The following ZNF90 variants were observed in gnomAD, a reference collection of about 807,000 sequenced individuals.
The protein encoded by ZNF90 is zinc finger protein 90.
In ZNF90, 11 loss-of-function variants were observed where a neutral mutation model predicts 12.0. The ratio of observed to expected loss-of-function variants is 0.92; its 90% CI spans 0.58 to 1.52. The LOEUF is 1.52. ZNF90 is among the 40% of genes most tolerant of loss of function. ZNF90 has a pLI of 0.00. For synonymous variants in ZNF90, 232 were observed against 240.1 expected (o/e 0.97, Z 0.31); for missense variants, 765 against 711.5 (o/e 1.08, Z -0.86).
At chr19:20,115,192 CT>C (rs1276815252) in intron 3 of ZNF90, among the ~76,000 whole-genome samples, 9 of 151,986 alleles carry the variant, frequency 5.9e-5, no homozygotes, top group Admixed American at 5.9e-4. Flanking sequence ...CACTTTCAGT[CT>C]TTTTTTGTTA....
At chr19:20,086,793 A>G (rs556474536) in intron 1 of ZNF90, among the ~76,000 whole-genome samples, 1 of 152,360 alleles carries the variant, frequency 6.6e-6, no homozygotes, top group East Asian at 1.9e-4. Context: ...TACATTAAGT[A>G]GATATTAGTG....
In ZNF90 at chr19:20,119,467, A is replaced by G. The variant is rs1207331266; in HGVS notation, c.*107A>G. On this transcript the variant is annotated 3_prime_UTR_variant, in exon 4 of 4. Coordinates refer to ENST00000418063, the MANE Select transcript of ZNF90 (RefSeq NM_007138.2). ...TTGACCACCCCTCTACTCTTACTAA[A>G]TATGAGAATTTATATGAAACATAAC... 2 of 923,894 alleles carry G rather than the reference A, an allele frequency of 2.2e-6. No individual in the cohort carries two copies. The highest frequency in any genetic ancestry group is 1.9e-5 in the South Asian group (1 of 54,038). 57.2% of individuals were successfully genotyped at this position (923,894 alleles called of 1,614,324 possible).
chr19:20,116,662 A>G lies in ZNF90; in HGVS notation c.227-1119A>G, dbSNP rs576154127. Among the ~76,000 whole-genome samples, 33 of 152,260 alleles carry G rather than the reference A, an allele frequency of 2.2e-4. 1 individual carries two copies. The Middle Eastern group carries it at 0.02, about 94-fold the overall frequency. ...TTTGTCCTGGCATAGTCTGAAATCAATAGTCTTGGCTAGAGATTCTGGGAA... is the reference window on the plus strand; with the variant it reads ...TTTGTCCTGGCATAGTCTGAAATCAGTAGTCTTGGCTAGAGATTCTGGGAA... On this transcript the variant is annotated intron_variant, in intron 3 of 3. Coordinates refer to ENST00000418063, the MANE Select transcript of ZNF90 (RefSeq NM_007138.2).
At chr19:20,085,414 C>T (rs1042439658) in intron 1 of ZNF90, among the ~76,000 whole-genome samples, 9 of 151,998 alleles carry the variant, frequency 5.9e-5, no homozygotes, top group Non-Finnish European at 1.0e-4. Context: ...TGCCTGCCAC[C>T]GCGCCCGGCT....
rs147236513 is a variant in ZNF90 at position 20,085,551 on chromosome 19, C to T, written c.3+7416C>T. Among the ~76,000 whole-genome samples the T allele has an allele frequency of 5.4e-3, 826 of 152,248 alleles. 7 individuals are homozygous for T. The highest frequency in any genetic ancestry group is 0.019 in the African/African-American group (792 of 41,542). On this transcript the variant is annotated intron_variant, in intron 1 of 3. Transcript: ENST00000418063. ...CTGGGATTACAGGCTTGAGCCACCG[C>T]GCCCGGCCAGTTGCATTGGTCTTAT...
rs146330228 is a variant in ZNF90 at position 20,096,376 on chromosome 19, T to C, written c.4-7863T>C. 2.4e-3 allele frequency among the ~76,000 whole-genome samples: 367 copies of C among 152,210 alleles called. 1 individual carries two copies. Among genetic ancestry groups the C allele is most frequent in the Admixed American group, 3.9e-3 (59 of 15,282 alleles). ...TGAAGAGACCACCAAACAGGCTTTG[T>C]GTGAGCAATAAAGCTTTTAATCACC... On this transcript the variant is annotated intron_variant, in intron 1 of 3. Coordinates refer to ENST00000418063, the MANE Select transcript of ZNF90 (RefSeq NM_007138.2).
In ZNF90 at chr19:20,112,077, G is replaced by A. The variant is rs985800514; in HGVS notation, c.227-5704G>A. 4.6e-5 allele frequency among the ~76,000 whole-genome samples: 7 copies of A among 151,710 alleles called. 1 individual carries two copies. Among genetic ancestry groups the A allele is most frequent in the Non-Finnish European group, 1.0e-4 (7 of 67,920 alleles). Reference sequence around the variant, plus strand: ...TTTCACAATGTTGGCCAGGCTGGTCGCAAGCTTCTGACCTTGTGATTCACC... The same window carrying A: ...TTTCACAATGTTGGCCAGGCTGGTCACAAGCTTCTGACCTTGTGATTCACC... On this transcript the variant is annotated intron_variant, in intron 3 of 3. Transcript: ENST00000418063.
chr19:20,083,579 A>G (rs940426184), intron 1 of ZNF90, among the ~76,000 whole-genome samples: 2 of 152,072 alleles, frequency 1.3e-5, no homozygotes, highest in Non-Finnish European at 2.9e-5. Context: ...ATCCCACTTC[A>G]GCCTCCCAAA....
chr19:20,080,159 G>C (rs573082341), intron 1 of ZNF90: 10 of 437,658 alleles, frequency 2.3e-5, no homozygotes, highest in Admixed American at 1.9e-4. Flanking sequence ...AGAATTGCAG[G>C]TCAGCAAGAA....
chr19:20,078,108 C>G lies in ZNF90; in HGVS notation c.-25C>G. ...CCTGCAGGTATTGGGAGATCCACAG[C>G]TGAGGGACCCCCGGAAGCCTAGAAA... On this transcript the variant is annotated 5_prime_UTR_variant, in exon 1 of 4. Transcript: ENST00000418063. 6.2e-7 allele frequency: 1 copy of G among 1,614,156 alleles called. No homozygotes were observed. Among genetic ancestry groups the G allele is most frequent in the Non-Finnish European group, 8.5e-7 (1 of 1,180,020 alleles).
chr19:20,083,142 C>CA (rs1164288219), intron 1 of ZNF90, among the ~76,000 whole-genome samples: 1 of 151,912 alleles, frequency 6.6e-6, no homozygotes. Flanking sequence ...CTAGGGAACT[C>CA]AGAGACTGGT....
intron 1 of ZNF90, among the ~76,000 whole-genome samples, chr19:20,087,872 G>C (rs1333267675): frequency 2.6e-5 from 4 of 152,116 alleles, no homozygotes; most frequent in Non-Finnish European, 4.4e-5. Flanking sequence ...GTTCTCTGGT[G>C]GACAGGAATG....
At position 20,118,951 on chromosome 19, in the gene ZNF90, C is replaced by T. The variant is rs782468341; in HGVS notation, c.1397C>T (p.Ser466Leu). Residue 466 changes from serine to leucine, a missense_variant, in exon 4 of 4, where the codon TCA (serine) becomes TTA (leucine). Transcript: ENST00000418063. ...TGTGGCAAAGCCTTCAAGCGCTCCTCAAACCTTACTACACATAAGATAAGT... is the reference window on the plus strand; with the variant it reads ...TGTGGCAAAGCCTTCAAGCGCTCCTTAAACCTTACTACACATAAGATAAGT... ...EECGKAFKRS[S>L]NLTTHKISHT... 8 of 1,612,578 alleles carry T rather than the reference C, an allele frequency of 5.0e-6. No individual in the cohort carries two copies. The highest frequency in any genetic ancestry group is 3.3e-5 in the South Asian group (3 of 90,904).
chr19:20,083,800 T>A (rs2122473887), intron 1 of ZNF90, among the ~76,000 whole-genome samples: 1 of 152,292 alleles, frequency 6.6e-6, no homozygotes, highest in East Asian at 1.9e-4. Flanking sequence ...CAGGCTAGAG[T>A]GCTGTGGCAT....
chr19:20,079,828 C>T (rs2088806622), intron 1 of ZNF90: 1 of 333,440 alleles, frequency 3.0e-6, no homozygotes, highest in Non-Finnish European at 6.0e-6. Context: ...ATCTGCTCGG[C>T]CACCCTGTCC....
At chr19:20,106,342 A>G (rs1555704449) in intron 3 of ZNF90, among the ~76,000 whole-genome samples, 1 of 152,132 alleles carries the variant, frequency 6.6e-6, no homozygotes, top group South Asian at 2.1e-4. Flanking sequence ...TTTTTTATTT[A>G]TTTCACTAAT....
chr19:20,096,411 G>A (rs527597311), intron 1 of ZNF90, among the ~76,000 whole-genome samples: 5 of 152,136 alleles, frequency 3.3e-5, no homozygotes, highest in African/African-American at 7.2e-5. Context: ...CTGAGTGCAG[G>A]TGGGCTGATT....
chr19:20,118,062 A>C lies in ZNF90; in HGVS notation c.508A>C (p.Lys170Gln). The C allele has an allele frequency of 6.2e-7, 1 of 1,612,926 alleles. No individual in the cohort carries two copies. Among genetic ancestry groups the C allele is most frequent in the Non-Finnish European group, 8.5e-7 (1 of 1,179,326 alleles). Residue 170 changes from lysine to glutamine, a missense_variant, in exon 4 of 4, where the codon AAA (lysine) becomes CAA (glutamine). Physicochemically the swap from Lys to Gln is moderately conservative, Grantham distance 53. Coordinates refer to ENST00000418063, the MANE Select transcript of ZNF90 (RefSeq NM_007138.2). The part of the protein sequence containing the change: ...SNRHKIRDTG[K>Q]KPFKCIECGK... ...CAGACATAAGATAAGAGATACTGGA[A>C]AAAAACCTTTCAAATGTATAGAATG... is the stretch of plus-strand genomic sequence containing the variant.
intron 3 of ZNF90, among the ~76,000 whole-genome samples, chr19:20,109,976 C>A (rs1328594511): frequency 6.6e-6 from 1 of 152,182 alleles, no homozygotes; most frequent in Non-Finnish European, 1.5e-5. Flanking sequence ...CCTTGACAGA[C>A]AAACCTTCCA....
Sources: allele counts gnomAD v4.1 joint callset (sites outside exome capture counted in the v4.1 genomes callset), GRCh38; gene constraint gnomAD v4.1.1; transcripts MANE v1.5; gene names NCBI Gene and HGNC (gene_info 2026-07-23, HGNC 2026-07-21).